ARHGAP26: variants seen among roughly 807,000 people sequenced by gnomAD.
ARHGAP26 encodes the protein Rho GTPase activating protein 26.
A neutral mutation model predicts 104.8 loss-of-function variants in ARHGAP26; 38 were observed. The observed-to-expected ratio is 0.36, with a 90% confidence interval of 0.28 to 0.48. The LOEUF is 0.48. ARHGAP26 is among the 20% of genes least tolerant of loss of function. The pLI, the probability that ARHGAP26 is intolerant of heterozygous loss-of-function variation, is 0.99. For synonymous variants in ARHGAP26, 341 were observed against 340.0 expected (o/e 1.00, Z -0.03); for missense variants, 704 against 947.9 (o/e 0.74, Z 3.38).
At chr5:142,934,458 T>G (rs1765141287) in intron 11 of ARHGAP26, among the ~76,000 whole-genome samples, 1 of 152,226 alleles carries the variant, frequency 6.6e-6, no homozygotes, top group African/African-American at 2.4e-5. Context: ...GAGATAAATA[T>G]AGACAAATGA....
At chr5:142,818,287 T>C (rs10477196) in intron 1 of ARHGAP26, among the ~76,000 whole-genome samples, 3,380 of 151,850 alleles carry the variant, frequency 0.022, 82 homozygotes, top group African/African-American at 0.06. Context: ...CCACTGGGCC[T>C]TGTTCTGGCC....
chr5:142,886,078 C>T (rs1453732866), intron 5 of ARHGAP26, among the ~76,000 whole-genome samples: 1 of 152,166 alleles, frequency 6.6e-6, no homozygotes, highest in African/African-American at 2.4e-5. Flanking sequence ...TGAAGATTGG[C>T]ATGCTAAGGG....
intron 11 of ARHGAP26, among the ~76,000 whole-genome samples, chr5:142,955,125 C>CACA (rs1554169173): frequency 1.3e-5 from 2 of 149,978 alleles, no homozygotes; most frequent in Admixed American, 6.6e-5. Context: ...CACACACACA[C>CACA]CCCCCATCTC....
At chr5:143,015,910 TA>T (rs1413729860) in intron 12 of ARHGAP26, among the ~76,000 whole-genome samples, 3 of 152,240 alleles carry the variant, frequency 2.0e-5, no homozygotes, top group South Asian at 4.1e-4. Flanking sequence ...ATTTCGAGGA[TA>T]TGCTTTGGAA....
intron 17 of ARHGAP26, chr5:143,103,135 C>A: frequency 3.8e-6 from 2 of 522,384 alleles, no homozygotes; most frequent in Non-Finnish European, 4.9e-6. Flanking sequence ...AAGGTGCCAT[C>A]CTTGCCTGGT....
At chr5:142,855,188 T>C (rs958395698) in intron 1 of ARHGAP26, among the ~76,000 whole-genome samples, 3 of 152,270 alleles carry the variant, frequency 2.0e-5, no homozygotes, top group Middle Eastern at 3.4e-3. Context: ...GGAGAAAGAC[T>C]GGCAAAACAG....
chr5:142,865,782 C>G (rs1454417429), intron 1 of ARHGAP26, among the ~76,000 whole-genome samples: 3 of 152,154 alleles, frequency 2.0e-5, no homozygotes, highest in Admixed American at 1.3e-4. Context: ...GGAGTAAGTT[C>G]AAATTCCTTA....
At chr5:143,008,898 A>G (rs1778366085) in intron 11 of ARHGAP26, among the ~76,000 whole-genome samples, 1 of 152,176 alleles carries the variant, frequency 6.6e-6, no homozygotes, top group Admixed American at 6.5e-5. Context: ...GGACATGTAA[A>G]CTGAACTGGC....
intron 17 of ARHGAP26, among the ~76,000 whole-genome samples, chr5:143,117,901 T>C (rs1335861415): frequency 6.6e-6 from 1 of 152,242 alleles, no homozygotes; most frequent in East Asian, 1.9e-4. Context: ...TCATCTTTTA[T>C]TGCCTTAGTG....
At chr5:142,875,293 C>A in intron 3 of ARHGAP26, 122 bp downstream of exon 3, 1 of 922,068 alleles carries the variant, frequency 1.1e-6, no homozygotes, top group South Asian at 1.4e-5. Context: ...TTGAGCTCTT[C>A]AGCAAGCCTC....
intron 10 of ARHGAP26, among the ~76,000 whole-genome samples, chr5:142,917,340 A>G (rs1415953538): frequency 6.6e-6 from 1 of 152,144 alleles, no homozygotes; most frequent in Non-Finnish European, 1.5e-5. Flanking sequence ...CACCTGGCCT[A>G]AACTTCAGAT....
At chr5:143,043,649 A>G (rs1450837461) in intron 14 of ARHGAP26, among the ~76,000 whole-genome samples, 4 of 152,188 alleles carry the variant, frequency 2.6e-5, no homozygotes, top group Non-Finnish European at 4.4e-5. Context: ...ATAGGTGTCA[A>G]TCCTTAGTTT....
chr5:142,826,863 A>G (rs1383341198), intron 1 of ARHGAP26, among the ~76,000 whole-genome samples: 2 of 152,324 alleles, frequency 1.3e-5, no homozygotes, highest in South Asian at 2.1e-4. Flanking sequence ...CAAGTTAGGC[A>G]TTTCCCTGCT....
At chr5:142,929,447 G>T (rs1217476586) in intron 10 of ARHGAP26, among the ~76,000 whole-genome samples, 1 of 152,120 alleles carries the variant, frequency 6.6e-6, no homozygotes, top group Non-Finnish European at 1.5e-5. Context: ...TTGTTAGTAG[G>T]GACATAAGGA....
rs577784434 is a variant in ARHGAP26 at position 142,820,910 on chromosome 5, G to C, written c.154+49995G>C. On this transcript the variant is annotated intron_variant, in intron 1 of 22. Transcript: ENST00000645722. ...ACTTCAAGGGTAACTAGGTAGGACA[G>C]CCAAGATGACTAGCCTTCTGTCCCT... 2.6e-5 allele frequency among the ~76,000 whole-genome samples: 4 copies of C among 152,316 alleles called. No homozygotes were observed. The South Asian group carries it at 8.3e-4, about 32-fold the overall frequency.
chr5:143,175,676 T>C (rs72799993), intron 20 of ARHGAP26, among the ~76,000 whole-genome samples: 1,844 of 152,306 alleles, frequency 0.012, 24 homozygotes, highest in Non-Finnish European at 0.019. Flanking sequence ...GTGGGAATTA[T>C]TGTTTGTTTA....
At chr5:143,139,364 A>C (rs1280449597) in intron 19 of ARHGAP26, among the ~76,000 whole-genome samples, 1 of 152,316 alleles carries the variant, frequency 6.6e-6, no homozygotes, top group Middle Eastern at 3.4e-3. Flanking sequence ...TTACACTGTC[A>C]GCAAATGGCA....
chr5:142,784,923 ATTTTTTT>A (rs35315311), intron 1 of ARHGAP26, among the ~76,000 whole-genome samples: 9 of 118,134 alleles, frequency 7.6e-5, no homozygotes, highest in African/African-American at 1.8e-4. Flanking sequence ...CTTCCTTAGG[ATTTTTTT>A]TTTTTTTTTT....
intron 12 of ARHGAP26, among the ~76,000 whole-genome samples, chr5:143,014,860 T>C (rs554563567): frequency 7.2e-5 from 11 of 152,224 alleles, no homozygotes; most frequent in Non-Finnish European, 1.5e-4. Context: ...AAGGAAATCC[T>C]GTCACCTTGC....
Sources: allele counts gnomAD v4.1 joint callset (sites outside exome capture counted in the v4.1 genomes callset), GRCh38; gene constraint gnomAD v4.1.1; transcripts MANE v1.5; gene names NCBI Gene and HGNC (gene_info 2026-07-23, HGNC 2026-07-21).